CSMD2: variants seen among roughly 807,000 people sequenced by gnomAD.
CSMD2 encodes CUB and sushi domain-containing protein 2.
In CSMD2, 130 loss-of-function variants were observed where a neutral mutation model predicts 398.5. The ratio of observed to expected loss-of-function variants is 0.33; its 90% CI spans 0.28 to 0.38. CSMD2 has a LOEUF of 0.38. Ranked by LOEUF, CSMD2 falls within the 10% of genes least tolerant of loss-of-function variation. The pLI is 1.00. For synonymous variants in CSMD2, 1,828 were observed against 1,908.5 expected (o/e 0.96, Z 1.10); for missense variants, 3,829 against 4,764.9 (o/e 0.80, Z 5.78).
chr1:33,519,308 G>T lies in CSMD2; in HGVS notation c.*53+157C>A, dbSNP rs574773865. Among the ~76,000 whole-genome samples the T allele has an allele frequency of 7.9e-5, 12 of 152,338 alleles. No individual in the cohort carries two copies. In the South Asian group the frequency reaches 2.5e-3, roughly 32 times the overall value. On this transcript the variant is annotated intron_variant, in intron 70 of 70. Transcript: ENST00000373381. The surrounding 1 kb of genome is among the most constrained non-coding windows in gnomAD (Gnocchi z 5.6). ...ATATATTAGATCCACAAAGGGCCTG[G>T]TTCAGTGCCTGTTACACAATGATGC...
intron 22 of CSMD2, among the ~76,000 whole-genome samples, chr1:33,703,930 G>A (rs555249238): frequency 1.2e-4 from 19 of 152,208 alleles, no homozygotes; most frequent in African/African-American, 4.1e-4. Flanking sequence ...CATTGAAGTT[G>A]AGCATCTTTT....
At chr1:34,027,129 G>A (rs548395629) in intron 3 of CSMD2, among the ~76,000 whole-genome samples, 1 of 152,152 alleles carries the variant, frequency 6.6e-6, no homozygotes, top group African/African-American at 2.4e-5. Flanking sequence ...ACCTCTAAAG[G>A]AAACCCATTA....
intron 35 of CSMD2, among the ~76,000 whole-genome samples, chr1:33,623,992 C>G (rs866725501): frequency 1.3e-5 from 2 of 152,220 alleles, no homozygotes; most frequent in African/African-American, 4.8e-5. Flanking sequence ...GTTATGCCCC[C>G]AGTTCAGCTT....
chr1:33,527,126 G>A (rs912853138), intron 65 of CSMD2, 70 bp downstream of exon 65: 9 of 1,374,678 alleles, frequency 6.5e-6, no homozygotes, highest in East Asian at 2.3e-5. Context: ...TCAGCAACAC[G>A]AGTTTTCTGG....
intron 68 of CSMD2, 110 bp from the exon 69 acceptor site, chr1:33,520,060 C>T: frequency 7.8e-7 from 1 of 1,277,578 alleles, no homozygotes; most frequent in Non-Finnish European, 1.1e-6. Context: ...ACTCAGGGTG[C>T]TCCTCACTCC....
At chr1:33,938,035 C>T (rs1428870240) in intron 3 of CSMD2, among the ~76,000 whole-genome samples, 1 of 152,246 alleles carries the variant, frequency 6.6e-6, no homozygotes, top group Non-Finnish European at 1.5e-5. Context: ...TGTATTAATT[C>T]CTTCATGCAA....
intron 13 of CSMD2, among the ~76,000 whole-genome samples, chr1:33,766,121 G>C (rs1435609426): frequency 6.6e-6 from 1 of 152,134 alleles, no homozygotes; most frequent in Admixed American, 6.5e-5. Flanking sequence ...ATATCCATTA[G>C]GCAACAGCCA....
At chr1:33,718,198 T>G (rs1646236659) in intron 19 of CSMD2, among the ~76,000 whole-genome samples, 1 of 152,134 alleles carries the variant, frequency 6.6e-6, no homozygotes, top group African/African-American at 2.4e-5. Context: ...TACTCCAGGG[T>G]GCGGCCTCTC....
At chr1:33,798,671 T>A (rs1182574111) in intron 10 of CSMD2, among the ~76,000 whole-genome samples, 2 of 152,048 alleles carry the variant, frequency 1.3e-5, no homozygotes. Context: ...TATAATTCAG[T>A]GTGAAGGGAG....
At chr1:33,825,849 T>C (rs1658746387) in intron 6 of CSMD2, 75 bp from the exon 7 acceptor site, 1 of 1,217,094 alleles carries the variant, frequency 8.2e-7, no homozygotes, top group South Asian at 1.3e-5. Flanking sequence ...CTAGAAGGAT[T>C]CCCCCTTGTG....
Position 33,792,441 on chromosome 1 carries a change from T to C in CSMD2, c.1532A>G (p.Gln511Arg). 3 of 1,613,654 alleles carry C rather than the reference T, an allele frequency of 1.9e-6. No individual in the cohort carries two copies. Among genetic ancestry groups the C allele is most frequent in the Non-Finnish European group, 2.5e-6 (3 of 1,179,618 alleles). Residue 511 changes from glutamine (Q) to arginine (R), a missense_variant, in exon 11 of 71, where the codon CAG (glutamine) becomes CGG (arginine). Gln to Arg is a conservative substitution (Grantham distance 43). Transcript: ENST00000373381. Reference sequence around the variant, plus strand: ...CACTTACATGTAGAGAACTGTCTTCTGGTCCCCATCCTGACCACCATCACC... The same window carrying C: ...CACTTACATGTAGAGAACTGTCTTCCGGTCCCCATCCTGACCACCATCACC... Reference protein sequence around the residue: ...TVGDGGQDGDQKTVLYILTGT... With the variant: ...TVGDGGQDGDRKTVLYILTGT...
intron 28 of CSMD2, among the ~76,000 whole-genome samples, chr1:33,649,229 G>A (rs1643625926): frequency 6.6e-6 from 1 of 152,196 alleles, no homozygotes; most frequent in South Asian, 2.1e-4. Context: ...ATGCAAATTT[G>A]CTCCTGCCCA....
chr1:33,650,561 TGGG>T (rs1643702645), intron 28 of CSMD2, among the ~76,000 whole-genome samples: 1 of 124,186 alleles, frequency 8.1e-6, no homozygotes, highest in Admixed American at 8.4e-5. Flanking sequence ...GGGCTTAGGA[TGGG>T]GTGGGGGGCT....
chr1:34,120,149 T>A (rs1662021502), intron 1 of CSMD2, among the ~76,000 whole-genome samples: 1 of 152,196 alleles, frequency 6.6e-6, no homozygotes, highest in Admixed American at 6.5e-5. Context: ...GAAGACATTA[T>A]ATGAAGTGCA....
intron 47 of CSMD2, among the ~76,000 whole-genome samples, chr1:33,581,536 A>G (rs1638719831): frequency 6.9e-6 from 1 of 143,976 alleles, no homozygotes; most frequent in African/African-American, 2.5e-5. Flanking sequence ...TCTCAAAAAA[A>G]AAAAAAAAAA....
chr1:34,071,219 A>T (rs1308888704), intron 2 of CSMD2, among the ~76,000 whole-genome samples: 1 of 152,228 alleles, frequency 6.6e-6, no homozygotes, highest in Non-Finnish European at 1.5e-5. Flanking sequence ...TCCAGGCAGG[A>T]TTGAAGATGC....
chr1:33,939,279 T>G (rs1373379125), intron 3 of CSMD2, among the ~76,000 whole-genome samples: 4 of 150,102 alleles, frequency 2.7e-5, no homozygotes, highest in Non-Finnish European at 4.5e-5. Flanking sequence ...CTGCTGCTGG[T>G]TCACTTGGCA....
chr1:34,101,243 G>A (rs1659911874), intron 1 of CSMD2, among the ~76,000 whole-genome samples: 1 of 152,162 alleles, frequency 6.6e-6, no homozygotes, highest in Non-Finnish European at 1.5e-5. Flanking sequence ...TAGCCAGGAT[G>A]GTCTGCCTTC....
intron 29 of CSMD2, among the ~76,000 whole-genome samples, chr1:33,640,111 A>G (rs1643025964): frequency 6.6e-6 from 1 of 152,202 alleles, no homozygotes; most frequent in Non-Finnish European, 1.5e-5. Flanking sequence ...ATAATAAATA[A>G]AACCCAAGCC....
Sources: allele counts gnomAD v4.1 joint callset (sites outside exome capture counted in the v4.1 genomes callset), GRCh38; gene constraint gnomAD v4.1.1; non-coding constraint Gnocchi (gnomAD v3.1); transcripts MANE v1.5; gene names NCBI Gene and HGNC (gene_info 2026-07-23, HGNC 2026-07-21).